The following PECR variants were observed in gnomAD, a reference collection of about 807,000 sequenced individuals.
The protein encoded by PECR is peroxisomal trans-2-enoyl-CoA reductase, also known as 2,4-dienoyl-CoA reductase-related protein.
Under a neutral mutation model 35.3 loss-of-function variants are expected in PECR, and 30 were observed. The ratio of observed to expected loss-of-function variants is 0.85; its 90% CI spans 0.64 to 1.15. PECR has a LOEUF of 1.15. Ranked by LOEUF, PECR falls within the 50% of genes most tolerant of loss-of-function variation. PECR has a pLI of 0.00. For synonymous variants in PECR, 148 were observed against 138.9 expected (o/e 1.07, Z -0.46); for missense variants, 392 against 370.8 (o/e 1.06, Z -0.47).
chr2:216,059,523 G>C (rs1042337248), intron 3 of PECR, among the ~76,000 whole-genome samples: 1 of 152,106 alleles, frequency 6.6e-6, no homozygotes, highest in African/African-American at 2.4e-5. Flanking sequence ...GTTCCACTTT[G>C]GAGCAATTAT....
intron 2 of PECR, 128 bp from the exon 3 acceptor site, chr2:216,065,605 T>G: frequency 2.9e-6 from 2 of 696,534 alleles, no homozygotes; most frequent in Non-Finnish European, 5.2e-6. Context: ...AGTGCCACAA[T>G]GAATGAACAT....
rs201164160 is a variant in PECR at position 216,081,659 on chromosome 2, G to C, written c.83C>G (p.Thr28Arg). ...CTTCACGATGGCTTTTCCGATGCCC[G>C]TGGCCCCGCCGGTGACGATGGCCAC... ...GQVAIVTGGA[T>R]GIGKAIVKEL... is the part of the protein sequence containing the mutation. Residue 28 changes from threonine (T) to arginine (R), a missense_variant, in exon 1 of 8, where the codon ACG becomes AGG. Thr to Arg is a moderately conservative substitution (Grantham distance 71). Coordinates refer to ENST00000265322, the MANE Select transcript of PECR (RefSeq NM_018441.6). The C allele has an allele frequency of 3.9e-5, 63 of 1,613,052 alleles. No homozygotes were observed. In the Admixed American group the frequency reaches 1.0e-3, roughly 27 times the overall value.
At position 216,066,125 on chromosome 2, in the gene PECR, AAAAAAT is replaced by A. The variant is rs372976302; in HGVS notation, c.258+254_258+259del. Among the ~76,000 whole-genome samples, 822 of 152,258 alleles carry A rather than the reference AAAAAAT, an allele frequency of 5.4e-3. 9 individuals are homozygous for A. Among genetic ancestry groups the A allele is most frequent in the African/African-American group, 0.019 (780 of 41,500 alleles). Reference sequence around the variant, plus strand: ...GGCAACAGAGGAAGACTTTGTCTCAAAAAAATAAAAATAAAAATGAAGACTTAAAGG... The same window carrying A: ...GGCAACAGAGGAAGACTTTGTCTCAAAAAAATAAAAATGAAGACTTAAAGG... On this transcript the variant is annotated intron_variant, in intron 2 of 7. Transcript: ENST00000265322.
chr2:216,069,703 C>T (rs984158652), intron 1 of PECR, among the ~76,000 whole-genome samples: 10 of 151,936 alleles, frequency 6.6e-5, no homozygotes, highest in Admixed American at 1.3e-4. Flanking sequence ...TTTGGGAGGT[C>T]GAGGTGGGCG....
chr2:216,051,345 CT>C (rs1695111383), intron 5 of PECR, 103 bp downstream of exon 5: 1 of 640,364 alleles, frequency 1.6e-6, no homozygotes, highest in East Asian at 3.5e-5. Flanking sequence ...TAAAGTCAAT[CT>C]TTTATGCTAT....
At chr2:216,045,904 G>T (rs1034129941) in intron 6 of PECR, among the ~76,000 whole-genome samples, 1 of 152,124 alleles carries the variant, frequency 6.6e-6, no homozygotes, top group African/African-American at 2.4e-5. Context: ...CCGGCCAGAC[G>T]CGGTGGCTCA....
At chr2:216,045,184 C>G (rs1694967484) in intron 6 of PECR, among the ~76,000 whole-genome samples, 1 of 152,222 alleles carries the variant, frequency 6.6e-6, no homozygotes, top group Non-Finnish European at 1.5e-5. Flanking sequence ...GTCCTATATT[C>G]ACAAGGCTAT....
At chr2:216,064,455 A>G (rs929084406) in intron 3 of PECR, among the ~76,000 whole-genome samples, 3 of 152,202 alleles carry the variant, frequency 2.0e-5, no homozygotes, top group Non-Finnish European at 4.4e-5. Context: ...CAAGAACTGG[A>G]GCAGCCCTCT....
downstream of PECR, among the ~76,000 whole-genome samples, chr2:216,034,753 C>G (rs1256258944): frequency 6.6e-6 from 1 of 152,066 alleles, no homozygotes; most frequent in African/African-American, 2.4e-5. Context: ...GGGGAGTGGG[C>G]GCTCCAGGGG....
At chr2:216,067,702 G>A (rs1296533951) in intron 1 of PECR, among the ~76,000 whole-genome samples, 3 of 151,750 alleles carry the variant, frequency 2.0e-5, no homozygotes, top group South Asian at 2.1e-4. Context: ...GACTACAGGC[G>A]TGCACCACCA....
At position 216,044,001 on chromosome 2, in the gene PECR, G is replaced by T; in HGVS notation, c.729C>A (p.Val243=). 1 of 1,598,340 alleles carries T rather than the reference G, an allele frequency of 6.3e-7. No homozygotes were observed. Among genetic ancestry groups the T allele is most frequent in the South Asian group, 1.1e-5 (1 of 90,686 alleles). ...IGVPEEVSSV[V]CFLLSPAASF... is the part of the protein sequence containing the mutation. ...AAGCTGCAGGAGACAGTAGGAAGCAGACCACAGAGGAGACCTGGAAACAGA... is the reference window on the plus strand; with the variant it reads ...AAGCTGCAGGAGACAGTAGGAAGCATACCACAGAGGAGACCTGGAAACAGA... Residue 243 remains valine (V), a synonymous_variant, in exon 7 of 8, where the codon GTC becomes GTA. Transcript: ENST00000265322.
chr2:216,040,878 A>C (rs1182472012), intron 7 of PECR, among the ~76,000 whole-genome samples: 1 of 152,164 alleles, frequency 6.6e-6, no homozygotes, highest in East Asian at 1.9e-4. Context: ...TCTCAAAAAA[A>C]AAGAAAAGAA....
At chr2:216,064,152 A>T (rs1446548866) in intron 3 of PECR, 1 of 152,246 alleles carries the variant, frequency 6.6e-6, no homozygotes, top group East Asian at 1.9e-4. Context: ...TTTGCCTGTT[A>T]GAAGGAGTGA....
At chr2:216,056,056 A>G (rs1695219296) in intron 4 of PECR, among the ~76,000 whole-genome samples, 1 of 152,126 alleles carries the variant, frequency 6.6e-6, no homozygotes, top group African/African-American at 2.4e-5. Context: ...CTTTACTGGA[A>G]TATCCAACAC....
chr2:216,050,422 G>A (rs1031553030), intron 5 of PECR, among the ~76,000 whole-genome samples: 1 of 152,192 alleles, frequency 6.6e-6, no homozygotes, highest in African/African-American at 2.4e-5. Context: ...TTTATTTAAA[G>A]AGGATAAAAT....
At chr2:216,062,566 A>G (rs1695377424) in intron 3 of PECR, among the ~76,000 whole-genome samples, 1 of 152,336 alleles carries the variant, frequency 6.6e-6, no homozygotes, top group South Asian at 2.1e-4. Context: ...CCCAGGGTAC[A>G]AGCTGAAACA....
downstream of PECR, among the ~76,000 whole-genome samples, chr2:216,034,695 C>T (rs969374667): frequency 1.3e-5 from 2 of 152,124 alleles, no homozygotes; most frequent in African/African-American, 4.8e-5. Context: ...AGAATATATA[C>T]AGTGGCCAGG....
chr2:216,048,281 TAGCC>T (rs1236341958), intron 6 of PECR, among the ~76,000 whole-genome samples: 17 of 151,456 alleles, frequency 1.1e-4, no homozygotes, highest in Non-Finnish European at 7.4e-5. Context: ...TTCACCGTGT[TAGCC>T]AGGATGGTCT....
intron 1 of PECR, among the ~76,000 whole-genome samples, chr2:216,069,014 A>G (rs1403078571): frequency 6.6e-6 from 1 of 152,118 alleles, no homozygotes; most frequent in Non-Finnish European, 1.5e-5. Flanking sequence ...GAATAATAGC[A>G]CAATGGCTAA....
Sources: gnomAD v4.1 joint callset for allele counts (sites outside exome capture counted in the v4.1 genomes callset) on GRCh38, gnomAD v4.1.1 for gene constraint, MANE v1.5 for transcripts, NCBI Gene and HGNC (gene_info 2026-07-23, HGNC 2026-07-21) for gene names.